The following GRIK1 variants were observed in gnomAD, a reference collection of about 807,000 sequenced individuals.
GRIK1 encodes glutamate receptor ionotropic, kainate 1.
A neutral mutation model predicts 105.7 loss-of-function variants in GRIK1; 69 were observed. The ratio of observed to expected loss-of-function variants is 0.65; its 90% confidence interval spans 0.54 to 0.80. GRIK1 has a LOEUF of 0.80. Ranked by LOEUF, GRIK1 falls within the 30% of genes least tolerant of loss-of-function variation. The pLI, the probability that GRIK1 is intolerant of heterozygous loss-of-function variation, is 0.00. For missense variants in GRIK1, 1,109 were observed against 1,167.3 expected, an observed-to-expected ratio of 0.95 and a Z score of 0.73; for synonymous variants, 438 against 431.3, an observed-to-expected ratio of 1.02 and a Z score of -0.19.
chr21:29,561,936 A>G, intron 14 of GRIK1, 87 bp from the exon 15 acceptor site: 1 of 736,998 alleles, frequency 1.4e-6, no homozygotes, highest in Non-Finnish European at 2.4e-6. Context: ...GGTTCAAATA[A>G]TGATAGGGAG....
At chr21:29,894,276 C>T (rs1392741050) in intron 1 of GRIK1, among the ~76,000 whole-genome samples, 1 of 152,092 alleles carries the variant, frequency 6.6e-6, no homozygotes, top group Non-Finnish European at 1.5e-5. Context: ...TGGATCAGCC[C>T]AAGTCCCAAA....
intron 1 of GRIK1, among the ~76,000 whole-genome samples, chr21:29,759,211 A>C (rs1439175124): frequency 6.7e-6 from 1 of 149,586 alleles, no homozygotes; most frequent in East Asian, 2.0e-4. Context: ...TCCACCTCCC[A>C]GGTTCACGCC....
intron 1 of GRIK1, among the ~76,000 whole-genome samples, chr21:29,928,542 G>A (rs1170464952): frequency 6.6e-6 from 1 of 152,224 alleles, no homozygotes; most frequent in African/African-American, 2.4e-5. Context: ...ATGAAGGCAG[G>A]ATATACTTAG....
At chr21:29,907,534 T>C (rs1045261195) in intron 1 of GRIK1, among the ~76,000 whole-genome samples, 7 of 152,110 alleles carry the variant, frequency 4.6e-5, no homozygotes, top group Non-Finnish European at 1.0e-4. Context: ...AGTTATATTG[T>C]AAAGAGAAAT....
At chr21:29,807,207 C>G (rs2066886723) in intron 1 of GRIK1, among the ~76,000 whole-genome samples, 1 of 152,130 alleles carries the variant, frequency 6.6e-6, no homozygotes. Flanking sequence ...TGGTAATTAA[C>G]TGTATTTATG....
intron 1 of GRIK1, among the ~76,000 whole-genome samples, chr21:29,755,655 C>G (rs1015091269): frequency 3.9e-5 from 6 of 152,066 alleles, no homozygotes; most frequent in African/African-American, 1.4e-4. Flanking sequence ...AGTGCAATCC[C>G]GTAGAGCATG....
intron 1 of GRIK1, among the ~76,000 whole-genome samples, chr21:29,800,189 A>G (rs2066664714): frequency 6.6e-6 from 1 of 152,182 alleles, no homozygotes; most frequent in Non-Finnish European, 1.5e-5. Context: ...GCTTTCTTAA[A>G]GCCTACATAG....
chr21:29,561,899 C>T (rs771722260), intron 14 of GRIK1, 50 bp from the exon 15 acceptor site: 107 of 1,068,748 alleles, frequency 1.0e-4, no homozygotes, highest in South Asian at 7.4e-4. Context: ...TGGAAAAATA[C>T]GACCTAAAGG....
intron 7 of GRIK1, chr21:29,630,698 A>T: frequency 2.4e-6 from 1 of 413,124 alleles, no homozygotes; most frequent in Non-Finnish European, 4.9e-6. Context: ...ATTTGTCCAG[A>T]CTTCTCATCT....
chr21:29,846,556 G>A (rs1049821230), intron 1 of GRIK1, among the ~76,000 whole-genome samples: 3 of 152,234 alleles, frequency 2.0e-5, no homozygotes, highest in South Asian at 4.2e-4. Flanking sequence ...ATTCTGTTGA[G>A]CTGTTCTGAG....
At chr21:29,779,814 A>T (rs2066042019) in intron 1 of GRIK1, among the ~76,000 whole-genome samples, 1 of 152,238 alleles carries the variant, frequency 6.6e-6, no homozygotes, top group South Asian at 2.1e-4. Context: ...TTCTCATGGA[A>T]CAACTTTTGC....
intron 1 of GRIK1, among the ~76,000 whole-genome samples, chr21:29,814,346 G>T (rs1161212975): frequency 1.3e-5 from 2 of 151,858 alleles, no homozygotes; most frequent in East Asian, 3.9e-4. Context: ...ATTTCTTCCT[G>T]TTTACTCAAT....
intron 1 of GRIK1, among the ~76,000 whole-genome samples, chr21:29,855,212 T>C (rs2068427630): frequency 6.6e-6 from 1 of 152,174 alleles, no homozygotes; most frequent in African/African-American, 2.4e-5. Flanking sequence ...AAAAAGCTAA[T>C]TCCTAGCCCA....
chr21:29,843,222 A>C (rs1039117714), intron 1 of GRIK1, among the ~76,000 whole-genome samples: 1 of 152,214 alleles, frequency 6.6e-6, no homozygotes, highest in Non-Finnish European at 1.5e-5. Context: ...CAGAGATCCC[A>C]GGTAATGACT....
At chr21:29,641,584 T>C (rs1297692921) in intron 7 of GRIK1, among the ~76,000 whole-genome samples, 2 of 152,206 alleles carry the variant, frequency 1.3e-5, no homozygotes, top group East Asian at 3.8e-4. Context: ...TTTAAACCCA[T>C]GCAGTCACTG....
intron 1 of GRIK1, among the ~76,000 whole-genome samples, chr21:29,866,814 G>A (rs1033392697): frequency 1.7e-4 from 26 of 152,196 alleles, no homozygotes; most frequent in African/African-American, 6.0e-4. Flanking sequence ...TTCAAAATTG[G>A]TTCTGACATT....
intron 7 of GRIK1, among the ~76,000 whole-genome samples, chr21:29,599,971 A>G (rs552060049): frequency 2.0e-4 from 30 of 152,260 alleles, no homozygotes; most frequent in Admixed American, 7.9e-4. Flanking sequence ...TTGTAATCCC[A>G]GCTACTCGGG....
intron 3 of GRIK1, among the ~76,000 whole-genome samples, chr21:29,677,568 G>A (rs2063294517): frequency 6.6e-6 from 1 of 151,746 alleles, no homozygotes; most frequent in African/African-American, 2.4e-5. Context: ...GCAACAGGTG[G>A]AGCATATGGA....
intron 16 of GRIK1, chr21:29,553,625 T>C: frequency 1.2e-6 from 2 of 1,609,960 alleles, no homozygotes; most frequent in Non-Finnish European, 1.7e-6. Context: ...ACATTCTAAA[T>C]CCGTAGATAA....
Sources: gnomAD v4.1 joint callset for allele counts (sites outside exome capture counted in the v4.1 genomes callset) on GRCh38, gnomAD v4.1.1 for gene constraint, MANE v1.5 for transcripts, NCBI Gene and HGNC (gene_info 2026-07-23, HGNC 2026-07-21) for gene names.